The following RBM39 variants were observed in gnomAD, a reference collection of about 807,000 sequenced individuals.
The protein encoded by RBM39 is RNA-binding protein 39.
Under a neutral mutation model 79.6 loss-of-function variants are expected in RBM39, and 12 were observed. The ratio of observed to expected loss-of-function variants is 0.15; its 90% CI spans 0.10 to 0.24. The LOEUF is 0.24. Among genes scored for constraint, RBM39 ranks in the 10% least tolerant of loss-of-function variants. The pLI is 1.00. For missense variants in RBM39, 243 were observed against 653.4 expected (o/e 0.37, Z 6.85); for synonymous variants, 185 against 208.4 (o/e 0.89, Z 0.97).
At position 35,714,310 on chromosome 20, in the gene RBM39, C is replaced by A; in HGVS notation, c.971G>T (p.Gly324Val). 6.2e-7 allele frequency: 1 copy of A among 1,614,108 alleles called. No individual in the cohort carries two copies. The highest frequency in any genetic ancestry group is 8.5e-7 in the Non-Finnish European group (1 of 1,180,004). Residue 324 changes from glycine (G) to valine (V), a missense_variant, in exon 11 of 17, where the codon GGT becomes GTT. By Grantham distance (109) the Gly-to-Val change is moderately radical (BLOSUM62 -3). Transcript: ENST00000253363. ...FELAGRPMKV[G>V]HVTERTDASS... Reference sequence around the variant, plus strand: ...AGCATCAGTACGTTCAGTAACATGACCAACTTTCATTGGTCTTCCTGCTAG... The same window carrying A: ...AGCATCAGTACGTTCAGTAACATGAACAACTTTCATTGGTCTTCCTGCTAG...
chr20:35,740,742 G>T, intron 2 of RBM39, 82 bp downstream of exon 2: 2 of 1,434,932 alleles, frequency 1.4e-6, no homozygotes, highest in South Asian at 1.2e-5. Context: ...CTCCGGGGAG[G>T]TTAGTTTACA....
rs151005097 is a variant in RBM39, at chr20:35,720,456, C to A, written c.825+1284G>T. On this transcript the variant is annotated intron_variant, in intron 9 of 16. Coordinates refer to ENST00000253363, the MANE Select transcript of RBM39 (RefSeq NM_184234.3). Reference sequence around the variant, plus strand: ...GCACATAATGGCATGTCAACCTCCACCTAAGATCCATGTTACTGATAGAAA... The same window carrying A: ...GCACATAATGGCATGTCAACCTCCAACTAAGATCCATGTTACTGATAGAAA... Among the ~76,000 whole-genome samples, 24 of 152,176 alleles carry A rather than the reference C, an allele frequency of 1.6e-4. No homozygotes were observed. The South Asian group carries it at 4.4e-3, about 28-fold the overall frequency.
chr20:35,723,764 A>C (rs998871912), intron 8 of RBM39, among the ~76,000 whole-genome samples: 2 of 152,220 alleles, frequency 1.3e-5, no homozygotes, highest in Non-Finnish European at 2.9e-5. Flanking sequence ...AAATGCTGTC[A>C]AAGCGCTGTG....
chr20:35,740,735 C>A, intron 2 of RBM39, 89 bp downstream of exon 2: 4 of 1,399,642 alleles, frequency 2.9e-6, no homozygotes, highest in Non-Finnish European at 4.0e-6. Context: ...AAGAGGGCTC[C>A]GGGGAGGTTA....
At position 35,732,103 on chromosome 20, in the gene RBM39, T is replaced by C. The variant is rs1600596315; in HGVS notation, c.134A>G (p.His45Arg). The C allele has an allele frequency of 6.2e-6, 10 of 1,614,030 alleles. No individual in the cohort carries two copies. The East Asian group carries it at 2.2e-4, about 36-fold the overall frequency. ...RKKSKSRSRS[H>R]ERKRSKSKER... The stretch of plus-strand genomic sequence containing the variant: ...CTTACTTTTGCTTCTCTTTCGTTCA[T>C]GACTACGACTTCTGCTCTTGCTTTT... Residue 45 changes from histidine to arginine, a missense_variant, in exon 4 of 17, where the codon CAT becomes CGT. Transcript: ENST00000253363.
chr20:35,736,726 T>C (rs4519606), intron 3 of RBM39: 99,259 of 369,162 alleles, frequency 0.27, 18,979 homozygotes, highest in African/African-American at 0.69. Flanking sequence ...TCTCAGCTCA[T>C]TACAACCTCT....
chr20:35,726,344 G>A (rs1268559723), intron 6 of RBM39, among the ~76,000 whole-genome samples: 1 of 150,870 alleles, frequency 6.6e-6, no homozygotes, highest in Non-Finnish European at 1.5e-5. Flanking sequence ...TGTTAGCCAG[G>A]ATGGTCTTGA....
Position 35,734,869 on chromosome 20 carries a change from C to T in RBM39, c.102-2734G>A, listed in dbSNP as rs755475140. 9.3e-6 allele frequency: 14 copies of T among 1,499,688 alleles called. No homozygotes were observed. In the Admixed American group the frequency reaches 1.6e-4, roughly 18 times the overall value. The allele number at this position is 1,499,688 out of a possible 1,614,324, so 92.9% of individuals were successfully genotyped here. ...ACTAAAGAAGGGTTATCGAAATCCA[C>T]ACTAATAGTCAAATCCTGTTACAAC... On this transcript the variant is annotated intron_variant, in intron 3 of 16. Coordinates refer to ENST00000253363, the MANE Select transcript of RBM39 (RefSeq NM_184234.3).
At position 35,721,791 on chromosome 20, in the gene RBM39, G is replaced by A; in HGVS notation, c.774C>T (p.His258=). 6.2e-7 allele frequency: 1 copy of A among 1,614,168 alleles called. No homozygotes were observed. The highest frequency in any genetic ancestry group is 8.5e-7 in the Non-Finnish European group (1 of 1,180,004). Reference sequence around the variant, plus strand: ...GAAGCATATCTTCAGTTATGTTGAAGTGTAATGAGCCCACATAAAGCCTCA... The same window carrying A: ...GAAGCATATCTTCAGTTATGTTGAAATGTAATGAGCCCACATAAAGCCTCA... ...GPMRLYVGSL[H]FNITEDMLRG... is the part of the protein sequence containing the mutation. The change falls in exon 9 of 17, where the codon CAC becomes CAT. Residue 258 remains histidine (H), a synonymous_variant. Coordinates refer to ENST00000253363, the MANE Select transcript of RBM39 (RefSeq NM_184234.3).
At chr20:35,740,452 G>A in intron 2 of RBM39, 3 of 909,008 alleles carry the variant, frequency 3.3e-6, no homozygotes, top group Non-Finnish European at 4.7e-6. Flanking sequence ...ATACCAAACT[G>A]GAGGTGGTAA....
At chr20:35,705,617 G>C (rs1421735565) in intron 14 of RBM39, among the ~76,000 whole-genome samples, 2 of 151,774 alleles carry the variant, frequency 1.3e-5, no homozygotes, top group Admixed American at 6.6e-5. Context: ...GGCCATGATG[G>C]AGAAATCCGG....
chr20:35,739,155 C>A (rs375236530), intron 2 of RBM39, 138 bp from the exon 3 acceptor site: 1 of 786,748 alleles, frequency 1.3e-6, no homozygotes. Flanking sequence ...ACATGGAAGG[C>A]TATAAAAAAA....
chr20:35,709,140 A>G, intron 13 of RBM39, 84 bp downstream of exon 13: 1 of 1,279,632 alleles, frequency 7.8e-7, no homozygotes, highest in Non-Finnish European at 1.1e-6. Context: ...GTATAAAAAT[A>G]TGACAATAAA....
chr20:35,705,124 T>TATA (rs755577288), intron 15 of RBM39, 101 bp downstream of exon 15: 6 of 740,816 alleles, frequency 8.1e-6, no homozygotes, highest in Non-Finnish European at 1.3e-5. Context: ...ACACAAAAAC[T>TATA]ATAATGGAAG....
At position 35,703,020 on chromosome 20, in the gene RBM39, G is replaced by A. The variant is rs978385022; in HGVS notation, c.*1461C>T. On this transcript the variant is annotated 3_prime_UTR_variant, in exon 17 of 17. Coordinates refer to ENST00000253363, the MANE Select transcript of RBM39 (RefSeq NM_184234.3). ...CTGATATGAAATTCTGAATAAGCCT[G>A]TAAAACTTGTGCTTCAATGCTAACA... 2.0e-5 allele frequency: 3 copies of A among 152,022 alleles called. No homozygotes were observed. The highest frequency in any genetic ancestry group is 7.2e-5 in the African/African-American group (3 of 41,398). The allele number at this position is 152,022 out of a possible 1,614,324, so 9.4% of individuals were successfully genotyped here.
At chr20:35,739,264 TTC>T (rs1198194949) in intron 2 of RBM39, 14 of 520,492 alleles carry the variant, frequency 2.7e-5, no homozygotes, top group South Asian at 2.5e-4. Flanking sequence ...AAATTTTACT[TTC>T]TTATATAGTT....
At chr20:35,726,113 T>G (rs2038657547) in intron 6 of RBM39, among the ~76,000 whole-genome samples, 1 of 152,148 alleles carries the variant, frequency 6.6e-6, no homozygotes, top group African/African-American at 2.4e-5. Context: ...GGCCTTACCA[T>G]CTCAAAAAAA....
chr20:35,732,791 T>C (rs942312051), intron 3 of RBM39: 1 of 152,228 alleles, frequency 6.6e-6, no homozygotes, highest in Non-Finnish European at 1.5e-5. Context: ...ATTACTGTAA[T>C]CCACAAAATA....
chr20:35,701,796 CTG>C lies in RBM39; in HGVS notation c.*2683_*2684del, dbSNP rs1022135744. The C allele has an allele frequency of 3.2e-4, 49 of 152,140 alleles. No individual in the cohort carries two copies. The highest frequency in any genetic ancestry group is 1.1e-3 in the African/African-American group (46 of 41,520). 9.4% of individuals were successfully genotyped at this position (152,140 alleles called of 1,614,324 possible). A position where few individuals can be genotyped will look rare whatever the true frequency, so the allele number is the denominator to read the frequency against. On this transcript the variant is annotated 3_prime_UTR_variant, in exon 17 of 17. Transcript: ENST00000253363. ...TATTCTTAGTAGAGACGGGGTTTCACTGTGTTGGCCAGGCTGGTCTCAAACTC... is the reference window on the plus strand; with the variant it reads ...TATTCTTAGTAGAGACGGGGTTTCACTGTTGGCCAGGCTGGTCTCAAACTC...
Sources: allele counts gnomAD v4.1 joint callset (sites outside exome capture counted in the v4.1 genomes callset), GRCh38; gene constraint gnomAD v4.1.1; transcripts MANE v1.5; gene names NCBI Gene and HGNC (gene_info 2026-07-23, HGNC 2026-07-21).